KHDRBS2: variants seen among roughly 807,000 people sequenced by gnomAD.
KHDRBS2 encodes the protein KH RNA binding domain containing, signal transduction associated 2.
Under a neutral mutation model 44.3 loss-of-function variants are expected in KHDRBS2, and 26 were observed. The ratio of observed to expected loss-of-function variants is 0.59; its 90% CI spans 0.43 to 0.81. KHDRBS2 has a LOEUF of 0.81. Among genes scored for constraint, KHDRBS2 ranks in the 40% least tolerant of loss-of-function variants. KHDRBS2 has a pLI of 0.00. For missense variants in KHDRBS2, 476 were observed against 433.1 expected, an observed-to-expected ratio of 1.10 and a Z score of -0.88; for synonymous variants, 194 against 151.1, an observed-to-expected ratio of 1.28 and a Z score of -2.08.
chr6:62,169,210 T>TACGTATACATATATGTATATATAC (rs1454018151), intron 2 of KHDRBS2, among the ~76,000 whole-genome samples: 1 of 145,666 alleles, frequency 6.9e-6, no homozygotes, highest in African/African-American at 2.5e-5. Context: ...TGTATATATA[T>TACGTATACATATATGTATATATAC]GTATATATAC....
chr6:62,004,321 A>T (rs1778820345), intron 3 of KHDRBS2, among the ~76,000 whole-genome samples: 1 of 152,150 alleles, frequency 6.6e-6, no homozygotes, highest in Non-Finnish European at 1.5e-5. Context: ...TAAAAGGGAT[A>T]TCACCACCCA....
intron 1 of KHDRBS2, among the ~76,000 whole-genome samples, chr6:62,221,127 C>T (rs1830823757): frequency 6.7e-6 from 1 of 149,434 alleles, no homozygotes; most frequent in Non-Finnish European, 1.5e-5. Context: ...CCCAGCCATA[C>T]CAAAAAAAAA....
intron 2 of KHDRBS2, among the ~76,000 whole-genome samples, chr6:62,104,562 A>G (rs1340346948): frequency 6.6e-6 from 1 of 152,206 alleles, no homozygotes; most frequent in Non-Finnish European, 1.5e-5. Flanking sequence ...GAGTAAAAAC[A>G]TAATCAAAAG....
At chr6:62,213,093 C>T (rs912283172) in intron 1 of KHDRBS2, among the ~76,000 whole-genome samples, 5 of 152,116 alleles carry the variant, frequency 3.3e-5, no homozygotes, top group African/African-American at 7.2e-5. Context: ...AGTCAGCAGA[C>T]GTAGCAAGTG....
chr6:62,119,459 T>C (rs1303002395), intron 2 of KHDRBS2, among the ~76,000 whole-genome samples: 2 of 152,082 alleles, frequency 1.3e-5, no homozygotes, highest in Admixed American at 1.3e-4. Flanking sequence ...TTATCTCCTG[T>C]AGATAAAGGG....
chr6:61,732,656 G>C (rs756764234), intron 7 of KHDRBS2, 26 bp downstream of exon 7: 1 of 1,355,066 alleles, frequency 7.4e-7, no homozygotes, highest in Non-Finnish European at 1.1e-6. Flanking sequence ...TCCTGAGAAG[G>C]CTGCTTTAGA....
rs551977982 is a variant in KHDRBS2, at chr6:62,182,463, G to A, written c.92-5151C>T. 2.0e-5 allele frequency among the ~76,000 whole-genome samples: 3 copies of A among 151,904 alleles called. No homozygotes were observed. In the South Asian group the frequency reaches 6.2e-4, roughly 32 times the overall value. On this transcript the variant is annotated intron_variant, in intron 1 of 8. Coordinates refer to ENST00000281156, the MANE Select transcript of KHDRBS2 (RefSeq NM_152688.4). ...GCTAAGAGGGTAGATCTTGTATTAA[G>A]TGTTTTACCACAAAAATAAATAAAT...
chr6:61,875,068 G>T (rs193039421), intron 6 of KHDRBS2, among the ~76,000 whole-genome samples: 2 of 152,044 alleles, frequency 1.3e-5, no homozygotes, highest in Non-Finnish European at 1.5e-5. Context: ...ACTAAGCATT[G>T]CTTTTTAAGG....
chr6:62,159,797 A>G (rs1817245074), intron 2 of KHDRBS2, among the ~76,000 whole-genome samples: 2 of 152,216 alleles, frequency 1.3e-5, no homozygotes, highest in Non-Finnish European at 2.9e-5. Context: ...TAAGAAAATC[A>G]TAAGGAAGAG....
chr6:61,546,893 A>T, the KHDRBS2 span, among the ~76,000 whole-genome samples: 1 of 152,000 alleles, frequency 6.6e-6, no homozygotes, highest in African/African-American at 2.4e-5. Context: ...GTATTCATTC[A>T]TTCATCCATT....
At chr6:61,934,059 C>G (rs1369965314) in intron 4 of KHDRBS2, among the ~76,000 whole-genome samples, 1 of 151,826 alleles carries the variant, frequency 6.6e-6, no homozygotes, top group Non-Finnish European at 1.5e-5. Flanking sequence ...TTGAACCTTT[C>G]TTTCATGTAC....
intron 6 of KHDRBS2, among the ~76,000 whole-genome samples, chr6:61,733,474 A>G (rs947387492): frequency 3.3e-5 from 5 of 152,080 alleles, no homozygotes; most frequent in Admixed American, 1.3e-4. Context: ...GTGCACCTGT[A>G]ATCCCAGCTG....
intron 2 of KHDRBS2, among the ~76,000 whole-genome samples, chr6:62,063,241 T>G (rs1435425864): frequency 7.0e-6 from 1 of 142,842 alleles, no homozygotes; most frequent in Non-Finnish European, 1.6e-5. Flanking sequence ...ACTATTCCAA[T>G]CAATAGAAAA....
chr6:62,140,406 C>T (rs1385084619), intron 2 of KHDRBS2, among the ~76,000 whole-genome samples: 4 of 152,002 alleles, frequency 2.6e-5, no homozygotes, highest in African/African-American at 4.8e-5. Context: ...ATGCATTTGT[C>T]GGGGCAAGAC....
chr6:62,161,587 G>A (rs1817674935), intron 2 of KHDRBS2, among the ~76,000 whole-genome samples: 1 of 72,960 alleles, frequency 1.4e-5, no homozygotes, highest in African/African-American at 5.3e-5. Flanking sequence ...GGGGGGGGGG[G>A]TCCCAGAACA....
chr6:62,019,020 G>A (rs1205657442), intron 3 of KHDRBS2, among the ~76,000 whole-genome samples: 1 of 151,866 alleles, frequency 6.6e-6, no homozygotes, highest in African/African-American at 2.4e-5. Context: ...GACACAATAA[G>A]CTAATTTATG....
At chr6:61,848,603 A>T (rs1324784746) in intron 6 of KHDRBS2, among the ~76,000 whole-genome samples, 1 of 122,212 alleles carries the variant, frequency 8.2e-6, no homozygotes. Flanking sequence ...ACTTTTTTTT[A>T]ACTCGATTCC....
chr6:62,182,514 G>A (rs1286137621), intron 1 of KHDRBS2, among the ~76,000 whole-genome samples: 1 of 151,900 alleles, frequency 6.6e-6, no homozygotes, highest in Non-Finnish European at 1.5e-5. Flanking sequence ...TTTTTGAGGT[G>A]ATAGATAATG....
At chr6:62,109,270 A>C (rs1804419389) in intron 2 of KHDRBS2, among the ~76,000 whole-genome samples, 1 of 152,048 alleles carries the variant, frequency 6.6e-6, no homozygotes, top group Admixed American at 6.6e-5. Context: ...ATGCTGATGA[A>C]ACATTTGAAA....
Sources: gnomAD v4.1 joint callset for allele counts (sites outside exome capture counted in the v4.1 genomes callset) on GRCh38, gnomAD v4.1.1 for gene constraint, MANE v1.5 for transcripts, NCBI Gene and HGNC (gene_info 2026-07-23, HGNC 2026-07-21) for gene names.